PSD3: variants seen among roughly 807,000 people sequenced by gnomAD.
PSD3 encodes the protein pleckstrin and Sec7 domain containing 3.
PSD3 carries 49 observed loss-of-function variants against 105.5 expected under a neutral mutation model. The ratio of observed to expected loss-of-function variants is 0.46; its 90% CI spans 0.37 to 0.59. PSD3 has a LOEUF of 0.59. Ranked by LOEUF, PSD3 falls within the 20% of genes least tolerant of loss-of-function variation. PSD3 has a pLI of 0.00. For synonymous variants in PSD3, 557 were observed against 457.8 expected (o/e 1.22, Z -2.77); for missense variants, 1,561 against 1,263.8 (o/e 1.24, Z -3.57).
chr8:18,612,033 AT>A (rs1210562557), intron 11 of PSD3, among the ~76,000 whole-genome samples: 1 of 152,214 alleles, frequency 6.6e-6, no homozygotes, highest in African/African-American at 2.4e-5. Context: ...ACTCTTTTAA[AT>A]TGTGAAGTAA....
intron 1 of PSD3, among the ~76,000 whole-genome samples, chr8:19,028,299 C>CCCCTTTTT (rs1563517980): frequency 1.0e-5 from 1 of 96,182 alleles, no homozygotes; most frequent in Non-Finnish European, 2.0e-5. Context: ...CCGGCCCACC[C>CCCCTTTTT]TTTTTTTTTT....
At chr8:18,863,935 C>T (rs566123557) in intron 4 of PSD3, among the ~76,000 whole-genome samples, 4 of 152,150 alleles carry the variant, frequency 2.6e-5, no homozygotes, top group Non-Finnish European at 4.4e-5. Context: ...TGCTACAACA[C>T]CACAATCAGC....
At chr8:18,748,365 T>C (rs1275400044) in intron 9 of PSD3, among the ~76,000 whole-genome samples, 5 of 152,082 alleles carry the variant, frequency 3.3e-5, no homozygotes, top group African/African-American at 1.2e-4. Context: ...GTAACGCTAA[T>C]AAAGATTTTT....
intron 2 of PSD3, among the ~76,000 whole-genome samples, chr8:18,923,036 C>T (rs550156232): frequency 6.6e-6 from 1 of 152,276 alleles, no homozygotes; most frequent in East Asian, 1.9e-4. Flanking sequence ...CCTTAAACTT[C>T]ACCCCTCTCC....
At chr8:18,581,054 T>G (rs1802781366) in intron 12 of PSD3, among the ~76,000 whole-genome samples, 1 of 152,098 alleles carries the variant, frequency 6.6e-6, no homozygotes, top group African/African-American at 2.4e-5. Context: ...TGACAGAAAC[T>G]GAGAGAGAAA....
intron 1 of PSD3, among the ~76,000 whole-genome samples, chr8:18,939,615 T>G (rs2129469300): frequency 6.6e-6 from 1 of 152,230 alleles, no homozygotes; most frequent in Non-Finnish European, 1.5e-5. Flanking sequence ...CCTGAGAAGT[T>G]GGGATACATA....
chr8:18,920,400 C>T (rs910930186), intron 2 of PSD3, among the ~76,000 whole-genome samples: 5 of 152,202 alleles, frequency 3.3e-5, no homozygotes, highest in African/African-American at 1.2e-4. Flanking sequence ...TTGCTTGTAC[C>T]TAAAGGAGAA....
At chr8:18,601,861 G>A (rs10109586) in intron 11 of PSD3, among the ~76,000 whole-genome samples, 2 of 152,146 alleles carry the variant, frequency 1.3e-5, no homozygotes, top group Non-Finnish European at 2.9e-5. Flanking sequence ...GGGCTGAGAG[G>A]GCTGCTGCAG....
At chr8:18,850,346 G>A (rs1815461540) in intron 4 of PSD3, among the ~76,000 whole-genome samples, 1 of 152,162 alleles carries the variant, frequency 6.6e-6, no homozygotes, top group African/African-American at 2.4e-5. Context: ...CTCCTTTCAG[G>A]TACTCACAGC....
intron 1 of PSD3, among the ~76,000 whole-genome samples, chr8:18,965,462 G>C (rs936969925): frequency 1.3e-5 from 2 of 152,176 alleles, no homozygotes; most frequent in Non-Finnish European, 2.9e-5. Context: ...CCCGTTCGGC[G>C]GGGGTGACAG....
At chr8:18,985,130 C>A (rs1386650867) in intron 1 of PSD3, among the ~76,000 whole-genome samples, 2 of 152,124 alleles carry the variant, frequency 1.3e-5, no homozygotes, top group African/African-American at 4.8e-5. Context: ...GATGGGGTTT[C>A]GCCATGTTGG....
chr8:18,707,125 T>C (rs998356552), intron 9 of PSD3, among the ~76,000 whole-genome samples: 8 of 152,164 alleles, frequency 5.3e-5, no homozygotes, highest in Non-Finnish European at 1.2e-4. Flanking sequence ...CATCATATAC[T>C]CACTCTCTCG....
At chr8:18,903,354 C>G (rs1563402594) in intron 2 of PSD3, among the ~76,000 whole-genome samples, 1 of 152,100 alleles carries the variant, frequency 6.6e-6, no homozygotes, top group Non-Finnish European at 1.5e-5. Flanking sequence ...AGCATCTGAG[C>G]CTCTGTGAGG....
chr8:19,073,644 A>T (rs1829348176), intron 1 of PSD3, among the ~76,000 whole-genome samples: 1 of 151,498 alleles, frequency 6.6e-6, no homozygotes, highest in Non-Finnish European at 1.5e-5. Flanking sequence ...AGAAAAGCCA[A>T]TCTGTACAGG....
At chr8:18,616,007 G>T (rs1005548061) in intron 11 of PSD3, among the ~76,000 whole-genome samples, 1 of 143,294 alleles carries the variant, frequency 7.0e-6, no homozygotes, top group Non-Finnish European at 1.6e-5. Context: ...GACAGAATCT[G>T]TTCTCCAAGG....
At chr8:18,923,064 G>C (rs931513736) in intron 2 of PSD3, among the ~76,000 whole-genome samples, 5 of 152,132 alleles carry the variant, frequency 3.3e-5, no homozygotes, top group Admixed American at 2.6e-4. Flanking sequence ...AGAGGTTAGG[G>C]GATGGGACTG....
intron 1 of PSD3, among the ~76,000 whole-genome samples, chr8:19,034,226 T>C (rs1410432385): frequency 6.6e-6 from 1 of 152,152 alleles, no homozygotes; most frequent in Non-Finnish European, 1.5e-5. Context: ...CTCTCTATAA[T>C]ACCATTTCAT....
chr8:18,868,325 A>G (rs1022058117), intron 3 of PSD3, among the ~76,000 whole-genome samples: 8 of 152,208 alleles, frequency 5.3e-5, no homozygotes, highest in Non-Finnish European at 4.4e-5. Context: ...ATCTGGTCCA[A>G]TGAAGATATG....
At chr8:18,849,480 A>G (rs1295706109) in intron 4 of PSD3, 1 of 152,164 alleles carries the variant, frequency 6.6e-6, no homozygotes, top group Admixed American at 6.5e-5. Flanking sequence ...CAGCACTTCA[A>G]TATTTTTCAT....
Sources: gnomAD v4.1 joint callset for allele counts (sites outside exome capture counted in the v4.1 genomes callset) on GRCh38, gnomAD v4.1.1 for gene constraint, MANE v1.5 for transcripts, NCBI Gene and HGNC (gene_info 2026-07-23, HGNC 2026-07-21) for gene names.